NRG1: variants seen among roughly 807,000 people sequenced by gnomAD.
NRG1 encodes the protein neuregulin 1, also known as pro-neuregulin-1, membrane-bound isoform.
NRG1 carries 18 observed loss-of-function variants against 63.8 expected under a neutral mutation model. The ratio of observed to expected loss-of-function variants is 0.28; its 90% CI spans 0.19 to 0.42. NRG1 has a LOEUF of 0.42. NRG1 is among the 10% of genes least tolerant of loss of function. The pLI is 1.00. For synonymous variants in NRG1, 302 were observed against 301.3 expected, an observed-to-expected ratio of 1.00 and a Z score of -0.02; for missense variants, 762 against 814.7, an observed-to-expected ratio of 0.94 and a Z score of 0.79.
At chr8:32,021,148 T>G (rs1816366313) in intron 1 of NRG1, among the ~76,000 whole-genome samples, 1 of 152,220 alleles carries the variant, frequency 6.6e-6, no homozygotes, top group African/African-American at 2.4e-5. Context: ...AAGTTGATTT[T>G]TATTTTTTTC....
chr8:31,662,196 G>A (rs906809487), intron 1 of NRG1, among the ~76,000 whole-genome samples: 1 of 152,136 alleles, frequency 6.6e-6, no homozygotes, highest in Non-Finnish European at 1.5e-5. Context: ...GTAATTTGTG[G>A]GCATGGAGGA....
At chr8:32,688,212 A>G (rs1810677872) in intron 5 of NRG1, among the ~76,000 whole-genome samples, 1 of 152,214 alleles carries the variant, frequency 6.6e-6, no homozygotes. Flanking sequence ...TAAGTGACTA[A>G]CATACGTACG....
rs193029943 is a variant in NRG1 at position 31,742,180 on chromosome 8, A to G, written c.37+102749A>G. Among the ~76,000 whole-genome samples the G allele has an allele frequency of 7.9e-3, 1,207 of 152,042 alleles. 11 individuals are homozygous for G. The highest frequency in any genetic ancestry group is 0.028 in the African/African-American group (1,146 of 41,528). On this transcript the variant is annotated intron_variant, in intron 1 of 10. Coordinates refer to the NRG1 transcript ENST00000519301. ...ATAGTGTTTTGAAATGCATTCATAT[A>G]TGGTAGAACTATAGAGAATTTTAGG...
intron 1 of NRG1, among the ~76,000 whole-genome samples, chr8:31,932,886 T>A (rs1834980352): frequency 6.6e-6 from 1 of 152,190 alleles, no homozygotes; most frequent in South Asian, 2.1e-4. Flanking sequence ...CTTGTTTATG[T>A]GTAGTATATG....
intron 1 of NRG1, among the ~76,000 whole-genome samples, chr8:31,848,484 T>C (rs1432388870): frequency 1.3e-5 from 2 of 152,150 alleles, no homozygotes; most frequent in Admixed American, 1.3e-4. Flanking sequence ...CTTCCTTTTA[T>C]ACAAGGGTCC....
intron 10 of NRG1, 113 bp downstream of exon 10, chr8:32,759,549 C>A: frequency 2.3e-6 from 3 of 1,300,746 alleles, no homozygotes; most frequent in Non-Finnish European, 3.1e-6. Context: ...CTTTGGGCAG[C>A]AACAGATTTT....
At position 32,072,396 on chromosome 8, in the gene NRG1, C is replaced by T. The variant is rs1038542778; in HGVS notation, c.37+432965C>T. Among the ~76,000 whole-genome samples the T allele has an allele frequency of 4.6e-5, 7 of 151,924 alleles. No homozygotes were observed. The South Asian group carries it at 1.4e-3, about 31-fold the overall frequency. Reference sequence around the variant, plus strand: ...AGTTATAAACTGTGCTGGCAGTAATCTAGGGTGATGCCAAGTCAGTTACCC... The same window carrying T: ...AGTTATAAACTGTGCTGGCAGTAATTTAGGGTGATGCCAAGTCAGTTACCC... On this transcript the variant is annotated intron_variant, in intron 1 of 10. Transcript: ENST00000519301.
At chr8:32,587,191 G>A (rs969433290) in intron 1 of NRG1, among the ~76,000 whole-genome samples, 7 of 151,848 alleles carry the variant, frequency 4.6e-5, no homozygotes, top group African/African-American at 1.7e-4. Context: ...TCTAGCCTGG[G>A]TGACAGAGTG....
chr8:32,167,856 T>C (rs1163556308), intron 1 of NRG1, among the ~76,000 whole-genome samples: 1 of 152,214 alleles, frequency 6.6e-6, no homozygotes, highest in African/African-American at 2.4e-5. Context: ...GCATGGATCA[T>C]TGGAGCCTCC....
intron 1 of NRG1, among the ~76,000 whole-genome samples, chr8:31,759,167 A>C (rs1424747727): frequency 6.6e-6 from 1 of 152,124 alleles, no homozygotes; most frequent in Non-Finnish European, 1.5e-5. Flanking sequence ...GGAATTGTGA[A>C]TATTCTCTCC....
intron 1 of NRG1, among the ~76,000 whole-genome samples, chr8:32,415,132 T>C (rs920990957): frequency 6.6e-6 from 1 of 152,072 alleles, no homozygotes; most frequent in African/African-American, 2.4e-5. Context: ...GGTTTCACTT[T>C]TAAAAACAGG....
intron 1 of NRG1, among the ~76,000 whole-genome samples, chr8:32,451,449 G>A (rs990893147): frequency 6.6e-6 from 1 of 152,226 alleles, no homozygotes; most frequent in African/African-American, 2.4e-5. Flanking sequence ...CAAGAATGAG[G>A]AGATGCCCTT....
chr8:31,640,122 G>C lies in NRG1; in HGVS notation c.37+691G>C, dbSNP rs1264561596. The C allele has an allele frequency of 7.8e-6, 9 of 1,151,088 alleles. No individual in the cohort carries two copies. Among genetic ancestry groups the C allele is most frequent in the Non-Finnish European group, 9.6e-6 (9 of 937,736 alleles). The allele number at this position is 1,151,088 out of a possible 1,614,324, so 71.3% of individuals were successfully genotyped here. The stretch of plus-strand genomic sequence containing the variant: ...TGCTGGGGACCGCGGCCCTGGCGCC[G>C]GGGGCGGCGGCCGGCAACGAGGCGG... On this transcript the variant is annotated intron_variant, in intron 1 of 10. Coordinates refer to the NRG1 transcript ENST00000519301. The surrounding 1 kb of genome is among the most constrained non-coding windows in gnomAD (Gnocchi z 6.3).
intron 1 of NRG1, among the ~76,000 whole-genome samples, chr8:31,646,303 A>G (rs1030870157): frequency 7.9e-5 from 12 of 152,214 alleles, no homozygotes; most frequent in African/African-American, 2.9e-4. Flanking sequence ...TGAGGTAGCA[A>G]TGGTCCAAGG....
intron 1 of NRG1, among the ~76,000 whole-genome samples, chr8:32,062,183 G>A (rs1217204509): frequency 6.6e-6 from 1 of 152,028 alleles, no homozygotes; most frequent in African/African-American, 2.4e-5. Context: ...GTTCACTCAT[G>A]CATCTGTCAT....
At chr8:32,489,505 CG>C (rs1232783582) in intron 1 of NRG1, among the ~76,000 whole-genome samples, 1 of 152,046 alleles carries the variant, frequency 6.6e-6, no homozygotes, top group Non-Finnish European at 1.5e-5. Flanking sequence ...CTGGTTAGGG[CG>C]GGGGGCACTG....
chr8:32,381,568 C>T (rs1810357111), intron 1 of NRG1, among the ~76,000 whole-genome samples: 1 of 152,126 alleles, frequency 6.6e-6, no homozygotes, highest in African/African-American at 2.4e-5. Context: ...CTTAGTTACA[C>T]ATTAGCTGTA....
intron 1 of NRG1, among the ~76,000 whole-genome samples, chr8:32,438,983 CT>C (rs1376115970): frequency 1.3e-5 from 2 of 151,960 alleles, no homozygotes; most frequent in Admixed American, 6.6e-5. Flanking sequence ...CATAGCTTGT[CT>C]TTTTTATTCT....
chr8:31,661,351 C>CT (rs1214395533), intron 1 of NRG1, among the ~76,000 whole-genome samples: 2 of 152,140 alleles, frequency 1.3e-5, no homozygotes, highest in African/African-American at 4.8e-5. Context: ...GGTCCTGGTC[C>CT]TAAGTGAACT....
Sources: gnomAD v4.1 joint callset for allele counts (sites outside exome capture counted in the v4.1 genomes callset) on GRCh38, gnomAD v4.1.1 for gene constraint, Gnocchi (gnomAD v3.1) non-coding constraint, MANE v1.5 for transcripts, NCBI Gene and HGNC (gene_info 2026-07-23, HGNC 2026-07-21) for gene names.